Variants in EYS observed in about 807,000 individuals in gnomAD.
EYS encodes the protein protein eyes shut homolog.
In EYS, 250 loss-of-function variants were observed where a neutral mutation model predicts 282.1. The ratio of observed to expected loss-of-function variants is 0.89; its 90% confidence interval spans 0.80 to 0.98. The LOEUF (loss-of-function observed/expected upper bound fraction) is 0.98. Ranked by LOEUF, EYS falls within the 50% of genes least tolerant of loss-of-function variation. The probability of loss-of-function intolerance (pLI) is 0.00; values close to 1 mark genes in which losing one functional copy is unlikely to be tolerated. For missense variants in EYS, 4,016 were observed against 3,709.0 expected, an observed-to-expected ratio of 1.08 and a Z score of -2.15; for synonymous variants, 1,355 against 1,282.9, an observed-to-expected ratio of 1.06 and a Z score of -1.20.
intron 26 of EYS, among the ~76,000 whole-genome samples, chr6:64,459,729 T>C (rs1775681309): frequency 6.6e-6 from 1 of 152,162 alleles, no homozygotes; most frequent in South Asian, 2.1e-4. Context: ...TTCACTCCAC[T>C]TTCTTCTGCC....
At position 65,610,087 on chromosome 6, in the gene EYS, T is replaced by C. The variant is rs535691698; in HGVS notation, c.-333+29691A>G. Among the ~76,000 whole-genome samples, 3 of 152,154 alleles carry C rather than the reference T, an allele frequency of 2.0e-5. No individual in the cohort carries two copies. In the South Asian group the frequency reaches 6.2e-4, roughly 32 times the overall value. On this transcript the variant is annotated intron_variant, in intron 2 of 42. Transcript: ENST00000503581. ...CTAGTTTTTTCATTTTTTTTATTTT[T>C]TGTAGAGACAGTATCTTACTAAGTT...
chr6:63,940,771 T>C (rs979238882), intron 35 of EYS, among the ~76,000 whole-genome samples: 2 of 151,958 alleles, frequency 1.3e-5, no homozygotes, highest in Non-Finnish European at 2.9e-5. Context: ...GCCATGTTGG[T>C]GTGCTACACC....
chr6:64,632,793 T>C (rs1459574480), intron 22 of EYS, among the ~76,000 whole-genome samples: 1 of 152,158 alleles, frequency 6.6e-6, no homozygotes, highest in East Asian at 1.9e-4. Flanking sequence ...AGCAGAATGG[T>C]CTTGATTATG....
At chr6:65,104,299 T>C (rs1311248030) in intron 12 of EYS, among the ~76,000 whole-genome samples, 1 of 151,482 alleles carries the variant, frequency 6.6e-6, no homozygotes, top group Non-Finnish European at 1.5e-5. Flanking sequence ...TTATAATGTG[T>C]CCTTCAATGT....
intron 12 of EYS, among the ~76,000 whole-genome samples, chr6:65,109,493 A>G (rs1775146138): frequency 6.6e-6 from 1 of 151,998 alleles, no homozygotes; most frequent in Admixed American, 6.6e-5. Flanking sequence ...TGTCATTACA[A>G]GAGTTGTCTT....
chr6:64,144,775 A>G (rs1427471558), intron 31 of EYS, among the ~76,000 whole-genome samples: 2 of 152,166 alleles, frequency 1.3e-5, no homozygotes, highest in Admixed American at 6.6e-5. Flanking sequence ...TGTGAAACAC[A>G]TATGGTCCCA....
chr6:63,819,779 A>G (rs1266932977), intron 36 of EYS, among the ~76,000 whole-genome samples: 1 of 152,200 alleles, frequency 6.6e-6, no homozygotes, highest in Non-Finnish European at 1.5e-5. Context: ...CTCAAAAGAA[A>G]TGGTAGAAGA....
Position 65,465,681 on chromosome 6 carries a change from C to T in EYS, c.862+24913G>A, listed in dbSNP as rs575597210. On this transcript the variant is annotated intron_variant, in intron 5 of 42. Coordinates refer to ENST00000503581, the MANE Select transcript of EYS (RefSeq NM_001142800.2). ...TCAAATTGGAGGAACTTTCTAATAC[C>T]AAAACAAAATCAGGCCACGCATGGT... Among the ~76,000 whole-genome samples the T allele has an allele frequency of 7.4e-4, 113 of 151,848 alleles. 1 individual carries two copies. Among genetic ancestry groups the T allele is most frequent in the Non-Finnish European group, 1.4e-3 (92 of 67,894 alleles).
At chr6:65,114,439 A>G (rs998791001) in intron 12 of EYS, among the ~76,000 whole-genome samples, 2 of 143,418 alleles carry the variant, frequency 1.4e-5, no homozygotes, top group Admixed American at 1.4e-4. Flanking sequence ...TATTCTAGAC[A>G]TTTGGGTAAT....
At chr6:65,017,421 A>C (rs1772090391) in intron 13 of EYS, among the ~76,000 whole-genome samples, 1 of 152,220 alleles carries the variant, frequency 6.6e-6, no homozygotes, top group East Asian at 1.9e-4. Flanking sequence ...TTAATAAATA[A>C]AACATTAATA....
At chr6:64,506,737 C>T (rs1777219737) in intron 26 of EYS, among the ~76,000 whole-genome samples, 1 of 151,866 alleles carries the variant, frequency 6.6e-6, no homozygotes, top group South Asian at 2.1e-4. Context: ...ACGGTGAAAC[C>T]CCGTCTCTAC....
At chr6:65,334,545 C>T (rs1272446054) in intron 11 of EYS, among the ~76,000 whole-genome samples, 2 of 151,842 alleles carry the variant, frequency 1.3e-5, no homozygotes, top group Non-Finnish European at 1.5e-5. Context: ...ACTGAGATTA[C>T]AGGCTTAAGT....
At chr6:64,272,817 A>G (rs994537837) in intron 30 of EYS, among the ~76,000 whole-genome samples, 5 of 152,164 alleles carry the variant, frequency 3.3e-5, no homozygotes, top group Non-Finnish European at 5.9e-5. Flanking sequence ...TATTTCAATA[A>G]GGTTTTATAA....
chr6:64,703,206 T>C (rs1770848405), intron 22 of EYS, among the ~76,000 whole-genome samples: 1 of 151,612 alleles, frequency 6.6e-6, no homozygotes, highest in South Asian at 2.1e-4. Flanking sequence ...TAATATTGTG[T>C]TTATTCCCCT....
intron 12 of EYS, among the ~76,000 whole-genome samples, chr6:65,111,385 C>T (rs1270558819): frequency 6.6e-6 from 1 of 151,972 alleles, no homozygotes; most frequent in Non-Finnish European, 1.5e-5. Context: ...GCCCTAACCC[C>T]CAAATTTATT....
At chr6:64,478,369 A>G (rs573091541) in intron 26 of EYS, among the ~76,000 whole-genome samples, 86 of 151,998 alleles carry the variant, frequency 5.7e-4, no homozygotes, top group African/African-American at 2.0e-3. Context: ...ATGCTTACTA[A>G]AATCAGTTGA....
intron 14 of EYS, among the ~76,000 whole-genome samples, chr6:64,967,034 T>G (rs1006400000): frequency 9.9e-5 from 15 of 152,204 alleles, no homozygotes; most frequent in Non-Finnish European, 1.8e-4. Context: ...TATATTCTAC[T>G]AATTACATGA....
chr6:64,309,707 C>T (rs928204965), intron 29 of EYS, among the ~76,000 whole-genome samples: 1 of 152,070 alleles, frequency 6.6e-6, no homozygotes, highest in Non-Finnish European at 1.5e-5. Flanking sequence ...TAGCTCATGC[C>T]TGTAATCCCA....
chr6:63,874,813 A>G (rs1257791746), intron 35 of EYS, among the ~76,000 whole-genome samples: 2 of 152,218 alleles, frequency 1.3e-5, no homozygotes, highest in African/African-American at 2.4e-5. Flanking sequence ...ATTTTTGGAC[A>G]TCGATTTTGT....
Sources: allele counts gnomAD v4.1 joint callset (sites outside exome capture counted in the v4.1 genomes callset), GRCh38; gene constraint gnomAD v4.1.1; transcripts MANE v1.5; gene names NCBI Gene and HGNC (gene_info 2026-07-23, HGNC 2026-07-21).